The following RBFOX1 variants were observed in gnomAD, a reference collection of about 807,000 sequenced individuals.
The protein encoded by RBFOX1 is RNA binding protein fox-1 homolog 1.
Under a neutral mutation model 57.7 loss-of-function variants are expected in RBFOX1, and 8 were observed. The ratio of observed to expected loss-of-function variants is 0.14; its 90% CI spans 0.08 to 0.25. RBFOX1 has a LOEUF of 0.25. RBFOX1 is among the 10% of genes least tolerant of loss of function. RBFOX1 has a pLI of 1.00. For synonymous variants in RBFOX1, 326 were observed against 222.4 expected, an observed-to-expected ratio of 1.47 and a Z score of -4.15; for missense variants, 611 against 548.5, an observed-to-expected ratio of 1.11 and a Z score of -1.14.
chr16:5,471,157 A>G (rs1032265944), intron 2 of RBFOX1, among the ~76,000 whole-genome samples: 3 of 150,264 alleles, frequency 2.0e-5, no homozygotes, highest in African/African-American at 7.4e-5. Flanking sequence ...TTAAAAACTC[A>G]TTACAGTCTC....
intron 3 of RBFOX1, among the ~76,000 whole-genome samples, chr16:5,665,873 G>A (rs1392987370): frequency 6.6e-6 from 1 of 152,216 alleles, no homozygotes; most frequent in Admixed American, 6.5e-5. Flanking sequence ...AGTAGGTGCT[G>A]TTTTCAGCAG....
At chr16:5,854,672 T>C (rs965518582) in intron 3 of RBFOX1, among the ~76,000 whole-genome samples, 1 of 152,150 alleles carries the variant, frequency 6.6e-6, no homozygotes, top group African/African-American at 2.4e-5. Flanking sequence ...TACTTTGCTG[T>C]AGTGAGTAAT....
intron 3 of RBFOX1, among the ~76,000 whole-genome samples, chr16:6,957,907 A>G (rs1014053164): frequency 3.3e-5 from 5 of 152,060 alleles, no homozygotes; most frequent in African/African-American, 1.2e-4. Flanking sequence ...TCCCTTTTCC[A>G]TGCAGGACAT....
intron 1 of RBFOX1, among the ~76,000 whole-genome samples, chr16:6,249,781 T>TC (rs2097593185): frequency 6.6e-6 from 1 of 151,394 alleles, no homozygotes; most frequent in African/African-American, 2.4e-5. Context: ...TCTTTTTTTT[T>TC]TTTTTTATTA....
rs536949125 is a variant in RBFOX1, at chr16:5,741,257, C to T, written c.319-126046C>T. On this transcript the variant is annotated intron_variant, in intron 3 of 19. Transcript: ENST00000641259. ...AAACCACCAGAGCAATCAGTGGGGT[C>T]GCCCTGAAGACTGCAGGAGTCATAA... Among the ~76,000 whole-genome samples, 8 of 152,308 alleles carry T rather than the reference C, an allele frequency of 5.3e-5. No homozygotes were observed. The East Asian group carries it at 1.2e-3, about 22-fold the overall frequency.
chr16:6,839,355 C>G (rs1172783308), intron 3 of RBFOX1, among the ~76,000 whole-genome samples: 1 of 152,210 alleles, frequency 6.6e-6, no homozygotes, highest in Non-Finnish European at 1.5e-5. Context: ...CCCACTGACT[C>G]CATCTGGGCA....
At chr16:7,539,232 A>T (rs1366970285) in intron 5 of RBFOX1, among the ~76,000 whole-genome samples, 6 of 152,208 alleles carry the variant, frequency 3.9e-5, no homozygotes, top group African/African-American at 1.4e-4. Flanking sequence ...AAGATTAAGG[A>T]GGGAGGGACA....
intron 3 of RBFOX1, among the ~76,000 whole-genome samples, chr16:6,897,565 G>A (rs186878552): frequency 1.3e-3 from 192 of 152,314 alleles, no homozygotes; most frequent in African/African-American, 4.5e-3. Flanking sequence ...AGTCCAAGGC[G>A]GGCGGATCAC....
intron 2 of RBFOX1, among the ~76,000 whole-genome samples, chr16:6,570,403 T>G (rs1005033345): frequency 3.3e-5 from 5 of 152,112 alleles, no homozygotes; most frequent in African/African-American, 9.7e-5. Context: ...ATATGAAAGA[T>G]AGAAGAAGTA....
chr16:6,672,253 T>C (rs193153662), intron 3 of RBFOX1, among the ~76,000 whole-genome samples: 1 of 152,150 alleles, frequency 6.6e-6, no homozygotes, highest in East Asian at 1.9e-4. Flanking sequence ...CCATAACGCT[T>C]AGAGTCCATT....
intron 4 of RBFOX1, among the ~76,000 whole-genome samples, chr16:7,350,459 G>A (rs1201396136): frequency 6.6e-6 from 1 of 152,188 alleles, no homozygotes; most frequent in East Asian, 1.9e-4. Flanking sequence ...ATTGCAGGCA[G>A]TTTAGATTTT....
intron 3 of RBFOX1, among the ~76,000 whole-genome samples, chr16:5,662,372 C>T (rs1027130052): frequency 2.0e-5 from 3 of 152,132 alleles, no homozygotes; most frequent in African/African-American, 4.8e-5. Flanking sequence ...TTCTAAAATG[C>T]AGGGTTACCT....
intron 4 of RBFOX1, among the ~76,000 whole-genome samples, chr16:5,962,559 C>G (rs745809002): frequency 6.6e-6 from 1 of 152,182 alleles, no homozygotes; most frequent in Non-Finnish European, 1.5e-5. Flanking sequence ...GGGTCTAAAT[C>G]TCATGTCTCC....
At chr16:6,799,013 T>C (rs4786936) in intron 3 of RBFOX1, among the ~76,000 whole-genome samples, 43,029 of 152,054 alleles carry the variant, frequency 0.28, 7,062 homozygotes, top group Non-Finnish European at 0.38. Context: ...GGGTATATTT[T>C]GTTGCCATCC....
intron 4 of RBFOX1, among the ~76,000 whole-genome samples, chr16:5,977,166 CTATA>C (rs1201230442): frequency 1.3e-5 from 2 of 152,168 alleles, no homozygotes; most frequent in Non-Finnish European, 2.9e-5. Flanking sequence ...ATCTCTGTAG[CTATA>C]TTGTGTGGGC....
intron 4 of RBFOX1, among the ~76,000 whole-genome samples, chr16:5,986,353 C>G (rs180801591): frequency 2.6e-5 from 4 of 152,190 alleles, no homozygotes; most frequent in Non-Finnish European, 4.4e-5. Flanking sequence ...CGTGAGCCAT[C>G]GCGTCCAGAC....
chr16:7,472,679 TAAAC>T lies in RBFOX1; in HGVS notation c.28-45465_28-45462del, dbSNP rs1287295803. 7.2e-5 allele frequency among the ~76,000 whole-genome samples: 11 copies of T among 152,314 alleles called. No individual in the cohort carries two copies. The East Asian group carries it at 2.1e-3, about 29-fold the overall frequency. On this transcript the variant is annotated intron_variant, in intron 4 of 15. Transcript: ENST00000550418. ...CATTAATCCAGAGGCAGTCAATTAA[TAAAC>T]AAGCATATTCACACAAATAGTAGCA...
At chr16:6,527,028 G>A (rs539651158) in intron 2 of RBFOX1, among the ~76,000 whole-genome samples, 9 of 151,816 alleles carry the variant, frequency 5.9e-5, no homozygotes, top group African/African-American at 1.9e-4. Context: ...GCTTTTAAAC[G>A]TTATTATTAG....
chr16:5,489,006 G>A (rs2042737489), intron 2 of RBFOX1, among the ~76,000 whole-genome samples: 1 of 152,160 alleles, frequency 6.6e-6, no homozygotes, highest in African/African-American at 2.4e-5. Flanking sequence ...TTCCCTTTCT[G>A]TCATTTTCTG....
Sources: allele counts gnomAD v4.1 joint callset (sites outside exome capture counted in the v4.1 genomes callset), GRCh38; gene constraint gnomAD v4.1.1; transcripts MANE v1.5; gene names NCBI Gene and HGNC (gene_info 2026-07-23, HGNC 2026-07-21).